The following LRRC31 variants were observed in gnomAD, a reference collection of about 807,000 sequenced individuals.
LRRC31 encodes leucine-rich repeat-containing protein 31.
In LRRC31, 35 loss-of-function variants were observed where a neutral mutation model predicts 46.7. The observed-to-expected ratio is 0.75, with a 90% CI of 0.57 to 0.99. The LOEUF (loss-of-function observed/expected upper bound fraction) is 0.99. Ranked by LOEUF, LRRC31 falls within the 50% of genes least tolerant of loss-of-function variation. The pLI is 0.00. For synonymous variants in LRRC31, 236 were observed against 235.1 expected, an observed-to-expected ratio of 1.00 and a Z score of -0.03; for missense variants, 613 against 626.1, an observed-to-expected ratio of 0.98 and a Z score of 0.22.
chr3:169,844,553 C>T (rs1195932709), intron 8 of LRRC31, among the ~76,000 whole-genome samples: 2 of 152,110 alleles, frequency 1.3e-5, no homozygotes, highest in Non-Finnish European at 2.9e-5. Context: ...GGCAAGAATG[C>T]TCTCATCTCA....
At chr3:169,865,689 T>G (rs184497559) in intron 1 of LRRC31, among the ~76,000 whole-genome samples, 6 of 152,230 alleles carry the variant, frequency 3.9e-5, no homozygotes, top group African/African-American at 1.4e-4. Flanking sequence ...CACGCAGGGG[T>G]GTGTGGTTCC....
At chr3:169,861,096 A>G (rs1576799229) in intron 2 of LRRC31, among the ~76,000 whole-genome samples, 1 of 124,460 alleles carries the variant, frequency 8.0e-6, no homozygotes, top group Admixed American at 9.2e-5. Context: ...TTTCAGACGG[A>G]GTCTCGATCT....
intron 2 of LRRC31, 121 bp from the exon 3 acceptor site, chr3:169,860,849 G>A (rs1781131357): frequency 9.9e-7 from 1 of 1,011,120 alleles, no homozygotes; most frequent in African/African-American, 1.6e-5. Flanking sequence ...GACAGTGGTA[G>A]GCACGCTGAC....
At chr3:169,866,067 A>T (rs1781322496) in intron 1 of LRRC31, among the ~76,000 whole-genome samples, 1 of 152,206 alleles carries the variant, frequency 6.6e-6, no homozygotes, top group Non-Finnish European at 1.5e-5. Context: ...TAATACCTTG[A>T]GGGCCATGCT....
At chr3:169,860,369 A>G (rs1056756988) in intron 3 of LRRC31, among the ~76,000 whole-genome samples, 192 bp downstream of exon 3, 1 of 151,496 alleles carries the variant, frequency 6.6e-6, no homozygotes, top group Non-Finnish European at 1.5e-5. Context: ...CTGGGACTAC[A>G]GGAGCCCACC....
At position 169,839,755 on chromosome 3, in the gene LRRC31, T is replaced by C. The variant is rs533241987; in HGVS notation, c.*227A>G. 8.9e-5 allele frequency: 15 copies of C among 168,634 alleles called. No homozygotes were observed. Among genetic ancestry groups the C allele is most frequent in the Admixed American group, 7.0e-4 (11 of 15,646 alleles). 10.4% of individuals were successfully genotyped at this position (168,634 alleles called of 1,614,324 possible). ...AATGGCATGCTCATATTAGATATTA[T>C]ATATATATTTACATATATATGTGTA... On this transcript the variant is annotated 3_prime_UTR_variant, in exon 9 of 9. Coordinates refer to ENST00000316428, the MANE Select transcript of LRRC31 (RefSeq NM_024727.4).
chr3:169,867,272 CAG>C (rs1560636300), intron 1 of LRRC31, among the ~76,000 whole-genome samples: 1 of 106,270 alleles, frequency 9.4e-6, no homozygotes, highest in Non-Finnish European at 1.8e-5. Context: ...TTTTTTGAGA[CAG>C]AGTCTTGCTC....
chr3:169,839,579 GA>G lies in LRRC31; in HGVS notation c.*402del. ...TTAGAACATTTAACTTGTAGGAAAA[GA>G]AGAGGCAAAACATTTCTGGGCAAGA... On this transcript the variant is annotated 3_prime_UTR_variant, in exon 9 of 9. Transcript: ENST00000316428. The G allele has an allele frequency of 6.6e-6, 1 of 151,934 alleles. No individual in the cohort carries two copies. The highest frequency in any genetic ancestry group is 1.5e-5 in the Non-Finnish European group (1 of 67,956). The allele number at this position is 151,934 out of a possible 1,614,324, so 9.4% of individuals were successfully genotyped here. A position where few individuals can be genotyped will look rare whatever the true frequency, so the allele number is the denominator to read the frequency against.
chr3:169,846,190 G>T (rs1780599138), intron 8 of LRRC31, among the ~76,000 whole-genome samples: 1 of 152,126 alleles, frequency 6.6e-6, no homozygotes, highest in Non-Finnish European at 1.5e-5. Context: ...AATCATTTTT[G>T]CTATAACACT....
At chr3:169,843,896 GA>G (rs1780523546) in intron 8 of LRRC31, among the ~76,000 whole-genome samples, 1 of 152,126 alleles carries the variant, frequency 6.6e-6, no homozygotes, top group Non-Finnish European at 1.5e-5. Context: ...TGCTTAAGAA[GA>G]AATAGACAAC....
chr3:169,858,547 T>C (rs1221468516), intron 3 of LRRC31, among the ~76,000 whole-genome samples: 2 of 152,194 alleles, frequency 1.3e-5, no homozygotes, highest in East Asian at 3.8e-4. Context: ...GGACTATCAG[T>C]TATTGAGCAA....
intron 6 of LRRC31, chr3:169,853,170 T>G (rs1237631087): frequency 1.0e-6 from 1 of 974,964 alleles, no homozygotes; most frequent in East Asian, 1.1e-4. Context: ...AGTTGGGATT[T>G]TCTGTAGCCC....
chr3:169,861,676 C>G lies in LRRC31; in HGVS notation c.313G>C (p.Glu105Gln). Reference sequence around the variant, plus strand: ...AAGTCTGCTGCATACAGACCCATTTCTTTCATGTCCGCTGTTGTTAATCCA... The same window carrying G: ...AAGTCTGCTGCATACAGACCCATTTGTTTCATGTCCGCTGTTGTTAATCCA... ...NCGLTTADMK[E>Q]MVALLPFLPD... Residue 105 changes from glutamate (E) to glutamine (Q), a missense_variant, in exon 2 of 9, where the codon GAA becomes CAA. Transcript: ENST00000316428. 4 of 1,613,996 alleles carry G rather than the reference C, an allele frequency of 2.5e-6. No individual in the cohort carries two copies. The highest frequency in any genetic ancestry group is 3.4e-6 in the Non-Finnish European group (4 of 1,180,004).
At position 169,846,344 on chromosome 3, in the gene LRRC31, T is replaced by C. The variant is rs548918428; in HGVS notation, c.1327+1776A>G. ...ACATATAAAACTGTCCCCAGCTGAA[T>C]TGAGCTGCATATAGAAATAAACAGC... On this transcript the variant is annotated intron_variant, in intron 8 of 8. Transcript: ENST00000316428. Among the ~76,000 whole-genome samples the C allele has an allele frequency of 8.5e-5, 13 of 152,284 alleles. 1 individual carries two copies. In the South Asian group the frequency reaches 2.7e-3, roughly 32 times the overall value.
intron 8 of LRRC31, among the ~76,000 whole-genome samples, chr3:169,844,938 A>C (rs1560622223): frequency 6.6e-6 from 1 of 151,640 alleles, no homozygotes. Flanking sequence ...CTCAAAAAAA[A>C]AAAAAAAAAA....
intron 3 of LRRC31, among the ~76,000 whole-genome samples, chr3:169,859,656 G>C (rs564024906): frequency 6.6e-6 from 1 of 152,150 alleles, no homozygotes; most frequent in South Asian, 2.1e-4. Flanking sequence ...CTTAATGGAG[G>C]TTCTAGTTCT....
chr3:169,860,792 T>G, intron 2 of LRRC31, 64 bp from the exon 3 acceptor site: 1 of 1,496,494 alleles, frequency 6.7e-7, no homozygotes, highest in Non-Finnish European at 9.3e-7. Flanking sequence ...GTAAATAAAA[T>G]GCAATGCTTA....
intron 4 of LRRC31, 78 bp from the exon 5 acceptor site, chr3:169,856,581 G>A (rs1485972061): frequency 4.1e-5 from 56 of 1,353,054 alleles, no homozygotes; most frequent in South Asian, 1.8e-4. Context: ...ATATCGTGAC[G>A]TAAAACTCCA....
chr3:169,853,413 A>G (rs1360088037), intron 6 of LRRC31: 2 of 985,314 alleles, frequency 2.0e-6, no homozygotes, highest in Non-Finnish European at 2.4e-6. Flanking sequence ...TTCCAGGGCC[A>G]TTCACCCATG....
Sources: gnomAD v4.1 joint callset for allele counts (sites outside exome capture counted in the v4.1 genomes callset) on GRCh38, gnomAD v4.1.1 for gene constraint, MANE v1.5 for transcripts, NCBI Gene and HGNC (gene_info 2026-07-23, HGNC 2026-07-21) for gene names.